Variants in PPP1R1C observed in about 807,000 individuals in gnomAD.
The protein encoded by PPP1R1C is protein phosphatase 1 regulatory subunit 1C.
PPP1R1C carries 15 observed loss-of-function variants against 17.4 expected under a neutral mutation model. That is an observed-to-expected ratio of 0.86 (90% CI 0.58 to 1.33). The LOEUF (loss-of-function observed/expected upper bound fraction) is 1.33. Among genes scored for constraint, PPP1R1C ranks in the 40% most tolerant of loss-of-function variants. The probability of loss-of-function intolerance (pLI) is 0.00; values close to 1 mark genes in which losing one functional copy is unlikely to be tolerated. For missense variants in PPP1R1C, 143 were observed against 130.0 expected, an observed-to-expected ratio of 1.10 and a Z score of -0.48; for synonymous variants, 35 against 43.1, an observed-to-expected ratio of 0.81 and a Z score of 0.73.
chr2:182,068,100 T>C (rs1056239757), intron 4 of PPP1R1C, among the ~76,000 whole-genome samples: 1 of 152,122 alleles, frequency 6.6e-6, no homozygotes, highest in Admixed American at 6.5e-5. Flanking sequence ...ACTCCTCCTT[T>C]TGGCTTTTTG....
Position 181,967,759 on chromosome 2 carries a change from AG to A in PPP1R1C, n.112-7458del, listed in dbSNP as rs1354400570. Reference sequence around the variant, plus strand: ...AGATGGAGTTTCACTCTTGTTGCCCAGGCTGGAGTGCAATGGCACATTCTTG... The same window carrying A: ...AGATGGAGTTTCACTCTTGTTGCCCAGCTGGAGTGCAATGGCACATTCTTG... On this transcript the variant is annotated intron_variant and non_coding_transcript_variant, in intron 1 of 5. Transcript: ENST00000464264. The surrounding 1 kb of genome is among the most constrained non-coding windows in gnomAD (Gnocchi z 5.5). Among the ~76,000 whole-genome samples, 1 of 149,558 alleles carries A rather than the reference AG, an allele frequency of 6.7e-6. No homozygotes were observed. Among genetic ancestry groups the A allele is most frequent in the Non-Finnish European group, 1.5e-5 (1 of 67,684 alleles).
chr2:181,961,896 A>G lies in PPP1R1C; in HGVS notation n.111+7262A>G. ...CCATCTCTGTCTCCAGTGGCAGCCAAGTGACATTGGTCATCAGTGACCTTG... is the reference window on the plus strand; with the variant it reads ...CCATCTCTGTCTCCAGTGGCAGCCAGGTGACATTGGTCATCAGTGACCTTG... On this transcript the variant is annotated intron_variant and non_coding_transcript_variant, in intron 1 of 5. Coordinates refer to the PPP1R1C transcript ENST00000464264. The surrounding 1 kb of genome is among the most constrained non-coding windows in gnomAD (Gnocchi z 5.8). 1 of 767,114 alleles carries G rather than the reference A, an allele frequency of 1.3e-6. No homozygotes were observed. The highest frequency in any genetic ancestry group is 2.4e-6 in the Non-Finnish European group (1 of 425,464). The allele number at this position is 767,114 out of a possible 1,614,324, so 47.5% of individuals were successfully genotyped here.
rs189687024 is a variant in PPP1R1C at position 182,015,086 on chromosome 2, T to C, written c.142+27187T>C. Among the ~76,000 whole-genome samples, 6 of 152,268 alleles carry C rather than the reference T, an allele frequency of 3.9e-5. No homozygotes were observed. In the East Asian group the frequency reaches 1.2e-3, roughly 30 times the overall value. On this transcript the variant is annotated intron_variant, in intron 2 of 4. Transcript: ENST00000682840. Reference sequence around the variant, plus strand: ...CCAAGCTGCAAGACAAAGTCCCCTTTAGTCTTCCCTCTCCTTTCTTCTAGC... The same window carrying C: ...CCAAGCTGCAAGACAAAGTCCCCTTCAGTCTTCCCTCTCCTTTCTTCTAGC...
At chr2:182,007,339 A>G (rs1418386128) in intron 2 of PPP1R1C, among the ~76,000 whole-genome samples, 2 of 152,316 alleles carry the variant, frequency 1.3e-5, no homozygotes, top group African/African-American at 4.8e-5. Context: ...ATTTTCTACA[A>G]TATCAATAAG....
chr2:182,066,345 T>C (rs975998808), intron 4 of PPP1R1C, among the ~76,000 whole-genome samples: 4 of 152,162 alleles, frequency 2.6e-5, no homozygotes, highest in African/African-American at 9.7e-5. Context: ...GACTCTATTA[T>C]TCATTCTATT....
At chr2:182,040,747 A>G (rs1364823264) in intron 2 of PPP1R1C, among the ~76,000 whole-genome samples, 1 of 152,012 alleles carries the variant, frequency 6.6e-6, no homozygotes, top group Non-Finnish European at 1.5e-5. Flanking sequence ...TGTCTTACAG[A>G]GTTTTTCCTA....
At chr2:181,982,348 C>G (rs1356355680), upstream of PPP1R1C, among the ~76,000 whole-genome samples, 2 of 152,002 alleles carry the variant, frequency 1.3e-5, no homozygotes, top group African/African-American at 2.4e-5. Flanking sequence ...GAGCCATAGT[C>G]TTTTGGAAAA....
chr2:182,000,761 G>A (rs1685738264), intron 2 of PPP1R1C, among the ~76,000 whole-genome samples: 1 of 152,170 alleles, frequency 6.6e-6, no homozygotes, highest in Non-Finnish European at 1.5e-5. Flanking sequence ...TTAGTCCTCG[G>A]TTTCAGTGAT....
At chr2:182,015,808 A>G (rs1248791629) in intron 2 of PPP1R1C, among the ~76,000 whole-genome samples, 1 of 151,810 alleles carries the variant, frequency 6.6e-6, no homozygotes, top group Admixed American at 6.6e-5. Context: ...TCTTTATTCT[A>G]TTGTCTGCTC....
intron 2 of PPP1R1C, among the ~76,000 whole-genome samples, chr2:181,988,803 A>G (rs1167622528): frequency 2.0e-5 from 3 of 152,222 alleles, no homozygotes; most frequent in Admixed American, 1.3e-4. Flanking sequence ...AGAAACATAT[A>G]AAAAGAACGT....
chr2:182,084,058 A>T (rs1251650870), intron 4 of PPP1R1C, among the ~76,000 whole-genome samples: 2 of 151,998 alleles, frequency 1.3e-5, no homozygotes, highest in African/African-American at 4.8e-5. Flanking sequence ...ATTTATGTAT[A>T]TCTTCTATTG....
intron 2 of PPP1R1C, among the ~76,000 whole-genome samples, chr2:182,006,685 G>A (rs1426058690): frequency 1.3e-5 from 2 of 152,176 alleles, no homozygotes; most frequent in African/African-American, 2.4e-5. Flanking sequence ...TGAAACGTGT[G>A]TGAAGCCATG....
chr2:182,079,728 A>G (rs1469506667), intron 4 of PPP1R1C, among the ~76,000 whole-genome samples: 7 of 152,204 alleles, frequency 4.6e-5, no homozygotes, highest in Non-Finnish European at 4.4e-5. Flanking sequence ...AAACCAAGGT[A>G]TCAGTAGGGC....
intron 2 of PPP1R1C, among the ~76,000 whole-genome samples, chr2:182,045,952 A>G (rs996313290): frequency 2.0e-5 from 3 of 152,180 alleles, no homozygotes; most frequent in African/African-American, 7.2e-5. Context: ...TTTACTGTAT[A>G]TATATTTAAA....
chr2:182,081,155 A>G (rs143346375), intron 4 of PPP1R1C, among the ~76,000 whole-genome samples: 1,664 of 152,296 alleles, frequency 0.011, 14 homozygotes, highest in South Asian at 0.04. Flanking sequence ...GTTGTTGGGA[A>G]GAATTTGGTT....
At chr2:182,113,201 G>C (rs1264108558) in intron 4 of PPP1R1C, among the ~76,000 whole-genome samples, 1 of 152,102 alleles carries the variant, frequency 6.6e-6, no homozygotes, top group Non-Finnish European at 1.5e-5. Flanking sequence ...TAAAGAATTT[G>C]GGAATTTCCT....
At chr2:182,109,439 T>A (rs1689351774) in intron 4 of PPP1R1C, among the ~76,000 whole-genome samples, 1 of 152,214 alleles carries the variant, frequency 6.6e-6, no homozygotes, top group Non-Finnish European at 1.5e-5. Context: ...TACCCAGGTA[T>A]TCTCCTATGT....
rs556106218 is a variant in PPP1R1C, at chr2:182,027,675, T to C, written c.143-33767T>C. Among the ~76,000 whole-genome samples the C allele has an allele frequency of 5.5e-3, 827 of 149,404 alleles. 13 individuals are homozygous for C. Among genetic ancestry groups the C allele is most frequent in the African/African-American group, 0.02 (798 of 39,462 alleles). On this transcript the variant is annotated intron_variant, in intron 2 of 4. Transcript: ENST00000682840. ...AAGGATATTGGTCTAAAATTCTCTT[T>C]TTTGGTTGTGTCTCTGCCTGGCTTT...
chr2:182,098,286 A>G (rs1409966355), intron 4 of PPP1R1C, among the ~76,000 whole-genome samples: 1 of 152,164 alleles, frequency 6.6e-6, no homozygotes, highest in Non-Finnish European at 1.5e-5. Context: ...CACCACATGT[A>G]TTTTTTGAAG....
Sources: gnomAD v4.1 joint callset for allele counts (sites outside exome capture counted in the v4.1 genomes callset) on GRCh38, gnomAD v4.1.1 for gene constraint, Gnocchi (gnomAD v3.1) non-coding constraint, MANE v1.5 for transcripts, NCBI Gene and HGNC (gene_info 2026-07-23, HGNC 2026-07-21) for gene names.